SLC22A3: variants seen among roughly 807,000 people sequenced by gnomAD.
SLC22A3 encodes the protein solute carrier family 22 member 3, also known as EMT organic cation transporter 3.
In SLC22A3, 51 loss-of-function variants were observed where a neutral mutation model predicts 59.1. The ratio of observed to expected loss-of-function variants is 0.86; its 90% CI spans 0.69 to 1.09. SLC22A3 has a LOEUF of 1.09. Ranked by LOEUF, SLC22A3 falls within the 50% of genes least tolerant of loss-of-function variation. The probability of loss-of-function intolerance (pLI) is 0.00; values close to 1 mark genes in which losing one functional copy is unlikely to be tolerated. For missense variants in SLC22A3, 711 were observed against 726.3 expected (o/e 0.98, Z 0.24); for synonymous variants, 325 against 292.0 (o/e 1.11, Z -1.15).
chr6:160,358,607 G>A (rs915985827), intron 1 of SLC22A3, among the ~76,000 whole-genome samples: 10 of 152,216 alleles, frequency 6.6e-5, no homozygotes, highest in African/African-American at 1.4e-4. Flanking sequence ...TCAAGCCCCC[G>A]TGGATTCAGT....
chr6:160,380,204 G>A (rs760920031), intron 1 of SLC22A3, among the ~76,000 whole-genome samples: 1 of 152,118 alleles, frequency 6.6e-6, no homozygotes, highest in African/African-American at 2.4e-5. Flanking sequence ...AAGTTGGAAT[G>A]TGAGGTTTAT....
intron 1 of SLC22A3, among the ~76,000 whole-genome samples, chr6:160,349,489 T>TA (rs1454235711): frequency 2.0e-5 from 3 of 151,966 alleles, no homozygotes; most frequent in Admixed American, 1.3e-4. Context: ...AGTTTTTTTT[T>TA]CTGGTAATAA....
At chr6:160,425,092 AG>A (rs1245296771) in intron 5 of SLC22A3, among the ~76,000 whole-genome samples, 2 of 152,188 alleles carry the variant, frequency 1.3e-5, no homozygotes, top group Admixed American at 1.3e-4. Flanking sequence ...AACTTCATGT[AG>A]GGTTGCTTGC....
At chr6:160,441,555 C>A (rs531693196) in intron 7 of SLC22A3, among the ~76,000 whole-genome samples, 1 of 150,332 alleles carries the variant, frequency 6.7e-6, no homozygotes, top group East Asian at 2.0e-4. Context: ...CTTGAGCCAT[C>A]TTTTCCTTAC....
chr6:160,368,472 T>C (rs560233574), intron 1 of SLC22A3, among the ~76,000 whole-genome samples: 3 of 152,264 alleles, frequency 2.0e-5, no homozygotes, highest in African/African-American at 7.2e-5. Flanking sequence ...CCTGCTTAAG[T>C]TCACCTGTCC....
chr6:160,391,316 G>A (rs374250384), intron 1 of SLC22A3, among the ~76,000 whole-genome samples: 21 of 152,104 alleles, frequency 1.4e-4, no homozygotes, highest in East Asian at 1.4e-3. Flanking sequence ...CTGGAGTTGG[G>A]CTCAGGCATT....
chr6:160,367,570 T>C (rs1175633500), intron 1 of SLC22A3, among the ~76,000 whole-genome samples: 1 of 152,232 alleles, frequency 6.6e-6, no homozygotes, highest in Non-Finnish European at 1.5e-5. Context: ...ATTTTGAAGG[T>C]AACTGAAACT....
At chr6:160,428,918 G>A (rs1029049517) in intron 5 of SLC22A3, among the ~76,000 whole-genome samples, 21 of 152,164 alleles carry the variant, frequency 1.4e-4, no homozygotes, top group Admixed American at 4.6e-4. Context: ...ACCAGATAGT[G>A]CTATTTCCAC....
At chr6:160,434,089 A>G (rs73592924) in intron 5 of SLC22A3, among the ~76,000 whole-genome samples, 347 of 152,322 alleles carry the variant, frequency 2.3e-3, no homozygotes, top group African/African-American at 7.8e-3. Context: ...TGAGTTGTGG[A>G]AAAGCCCTCA....
At chr6:160,432,107 C>T (rs1217347225) in intron 5 of SLC22A3, among the ~76,000 whole-genome samples, 3 of 152,242 alleles carry the variant, frequency 2.0e-5, no homozygotes, top group Non-Finnish European at 2.9e-5. Context: ...GAACTTCTGA[C>T]TTAAAAGCAA....
chr6:160,419,889 T>A (rs1457365132), intron 5 of SLC22A3, among the ~76,000 whole-genome samples: 7 of 152,206 alleles, frequency 4.6e-5, no homozygotes, highest in Non-Finnish European at 1.0e-4. Context: ...CTTCCTATTT[T>A]AAAAAATAGC....
intron 9 of SLC22A3, among the ~76,000 whole-genome samples, chr6:160,445,476 C>G (rs577772687): frequency 6.6e-6 from 1 of 152,292 alleles, no homozygotes; most frequent in African/African-American, 2.4e-5. Context: ...CTGAGGTGGA[C>G]AGAGCTGGCC....
rs761582965 is a variant in SLC22A3 at position 160,407,189 on chromosome 6, G to C, written c.682G>C (p.Val228Leu). The stretch of plus-strand genomic sequence containing the variant: ...AAAGGGGACGTGGATGACTTGCTAC[G>C]TGATTGGTAAGACATTCTTACACCA... ...FGKGTWMTCY[V>L]IVTEIVGSKQ... The change falls in exon 3 of 11, where the codon GTG becomes CTG. Residue 228 changes from valine to leucine, a missense_variant. Coordinates refer to ENST00000275300, the MANE Select transcript of SLC22A3 (RefSeq NM_021977.4). The C allele has an allele frequency of 1.6e-5, 25 of 1,607,414 alleles. No individual in the cohort carries two copies. In the East Asian group the frequency reaches 5.1e-4, roughly 33 times the overall value.
At chr6:160,364,249 G>A (rs1472679057) in intron 1 of SLC22A3, among the ~76,000 whole-genome samples, 2 of 152,326 alleles carry the variant, frequency 1.3e-5, no homozygotes, top group Middle Eastern at 3.4e-3. Context: ...TACACTCCAT[G>A]TGGTAGATGG....
intron 1 of SLC22A3, among the ~76,000 whole-genome samples, chr6:160,369,349 T>C (rs1458143540): frequency 6.6e-6 from 1 of 152,198 alleles, no homozygotes; most frequent in Non-Finnish European, 1.5e-5. Context: ...ATTATGAAAA[T>C]GTTTAGCTCA....
At chr6:160,429,566 G>A (rs1788077599) in intron 5 of SLC22A3, among the ~76,000 whole-genome samples, 1 of 152,166 alleles carries the variant, frequency 6.6e-6, no homozygotes, top group Admixed American at 6.5e-5. Flanking sequence ...GCTGTTCCTT[G>A]ACTCTTAGTG....
intron 9 of SLC22A3, among the ~76,000 whole-genome samples, chr6:160,446,857 G>A (rs1202788184): frequency 1.3e-5 from 2 of 152,246 alleles, no homozygotes; most frequent in African/African-American, 4.8e-5. Context: ...TGTGTCTGCT[G>A]CATCTTTATG....
intron 1 of SLC22A3, among the ~76,000 whole-genome samples, chr6:160,372,634 A>G (rs1355102221): frequency 6.6e-6 from 1 of 152,026 alleles, no homozygotes; most frequent in African/African-American, 2.4e-5. Context: ...AGGTACACCA[A>G]TCAAACGTAG....
rs569312614 is a variant in SLC22A3, at chr6:160,370,076, G to A, written c.429+21228G>A. ...TCCTCCTAGCATGGTGGCTGCAGAC[G>A]TCTTACAAAGTGGTTCAGAGCCCCA... On this transcript the variant is annotated intron_variant, in intron 1 of 10. Coordinates refer to ENST00000275300, the MANE Select transcript of SLC22A3 (RefSeq NM_021977.4). 6.6e-5 allele frequency among the ~76,000 whole-genome samples: 10 copies of A among 152,286 alleles called. No individual in the cohort carries two copies. In the East Asian group the frequency reaches 9.6e-4, roughly 15 times the overall value.
Sources: allele counts gnomAD v4.1 joint callset (sites outside exome capture counted in the v4.1 genomes callset), GRCh38; gene constraint gnomAD v4.1.1; transcripts MANE v1.5; gene names NCBI Gene and HGNC (gene_info 2026-07-23, HGNC 2026-07-21).